Variants in HTT observed in about 807,000 individuals in gnomAD.
The protein encoded by HTT is huntingtin, also known as huntington disease protein.
HTT carries 104 observed loss-of-function variants against 362.3 expected under a neutral mutation model. The ratio of observed to expected loss-of-function variants is 0.29; its 90% CI spans 0.24 to 0.34. The LOEUF is 0.34. Ranked by LOEUF, HTT falls within the 10% of genes least tolerant of loss-of-function variation. HTT has a pLI of 1.00. For synonymous variants in HTT, 1,577 were observed against 1,548.7 expected (o/e 1.02, Z -0.43); for missense variants, 3,301 against 3,928.6 (o/e 0.84, Z 4.27).
At chr4:3,150,746 C>T (rs1014522452) in intron 26 of HTT, among the ~76,000 whole-genome samples, 8 of 152,270 alleles carry the variant, frequency 5.3e-5, no homozygotes, top group Middle Eastern at 3.4e-3. Context: ...TGTTAAAAAC[C>T]GGACTGCAGG....
chr4:3,178,493 T>C, intron 35 of HTT, 47 bp downstream of exon 35: 1 of 1,581,838 alleles, frequency 6.3e-7, no homozygotes. Context: ...CGTGATGTGC[T>C]TGGCAGTGTT....
At chr4:3,227,058 G>T (rs1720955725) in intron 57 of HTT, among the ~76,000 whole-genome samples, 2 of 152,206 alleles carry the variant, frequency 1.3e-5, no homozygotes. Context: ...GGGTGCCTCT[G>T]GCCTTGTCCT....
chr4:3,162,635 C>G (rs1261121551), intron 29 of HTT, among the ~76,000 whole-genome samples: 2 of 152,142 alleles, frequency 1.3e-5, no homozygotes, highest in Non-Finnish European at 2.9e-5. Flanking sequence ...TGAAGAGGTC[C>G]TTCACATCCC....
intron 41 of HTT, among the ~76,000 whole-genome samples, chr4:3,201,751 C>G (rs1466192769): frequency 6.6e-6 from 1 of 152,084 alleles, no homozygotes; most frequent in East Asian, 1.9e-4. Flanking sequence ...GGTTTAAACC[C>G]CTGCTCTTAG....
rs574562155 is a variant in HTT at position 3,202,106 on chromosome 4, A to G, written c.5577-1901A>G. Among the ~76,000 whole-genome samples, 26 of 152,102 alleles carry G rather than the reference A, an allele frequency of 1.7e-4. No individual in the cohort carries two copies. The South Asian group carries it at 5.4e-3, about 32-fold the overall frequency. ...ACTGTGGGTTTATGATTCACTCTCA[A>G]TCTGTCTTACCTCTTGGTGAACTGT... On this transcript the variant is annotated intron_variant, in intron 41 of 66. Coordinates refer to ENST00000355072, the MANE Select transcript of HTT (RefSeq NM_001388492.1).
chr4:3,121,224 C>G lies in HTT; in HGVS notation c.1069-4C>G. 1 of 1,611,014 alleles carries G rather than the reference C, an allele frequency of 6.2e-7. No individual in the cohort carries two copies. The highest frequency in any genetic ancestry group is 8.5e-7 in the Non-Finnish European group (1 of 1,177,160). On this transcript the variant is annotated splice_polypyrimidine_tract_variant and splice_region_variant and intron_variant, in intron 8 of 66. Coordinates refer to ENST00000355072, the MANE Select transcript of HTT (RefSeq NM_001388492.1). Reference sequence around the variant, plus strand: ...CCAGAACACCTGTGTTTCTCTGTTTCTAGGTTTATGAACTGACGTTACATC... The same window carrying G: ...CCAGAACACCTGTGTTTCTCTGTTTGTAGGTTTATGAACTGACGTTACATC...
chr4:3,229,562 C>T (rs944428710), intron 59 of HTT, among the ~76,000 whole-genome samples: 3 of 151,618 alleles, frequency 2.0e-5, no homozygotes, highest in Non-Finnish European at 2.9e-5. Flanking sequence ...GCACCACACA[C>T]ATGCCACATG....
intron 27 of HTT, 115 bp from the exon 28 acceptor site, chr4:3,156,957 C>T (rs2110214468): frequency 1.2e-6 from 1 of 819,040 alleles, no homozygotes. Flanking sequence ...AGAGGAAATA[C>T]TTGAATATTT....
At chr4:3,195,702 G>T (rs1050155044) in intron 40 of HTT, among the ~76,000 whole-genome samples, 2 of 152,332 alleles carry the variant, frequency 1.3e-5, no homozygotes, top group African/African-American at 4.8e-5. Flanking sequence ...ACCAGAGAAG[G>T]TTGTTTCTTG....
intron 2 of HTT, among the ~76,000 whole-genome samples, chr4:3,094,311 ACTT>A (rs1713699888): frequency 1.3e-5 from 2 of 152,286 alleles, no homozygotes; most frequent in South Asian, 2.1e-4. Context: ...TCCTATGTCT[ACTT>A]CTTTCTACGC....
intron 65 of HTT, 77 bp from the exon 66 acceptor site, chr4:3,238,741 A>ACC: frequency 2.1e-6 from 1 of 476,956 alleles, no homozygotes; most frequent in South Asian, 3.0e-5. Flanking sequence ...CCCCCACCCC[A>ACC]CCCCCGCCAC....
chr4:3,148,326 G>T (rs1374513720), intron 26 of HTT, 119 bp downstream of exon 26: 2 of 758,830 alleles, frequency 2.6e-6, no homozygotes, highest in Non-Finnish European at 4.2e-6. Context: ...GAACAAAATT[G>T]CTCAGATTGT....
At chr4:3,198,930 G>C (rs945045934) in intron 40 of HTT, among the ~76,000 whole-genome samples, 2 of 152,218 alleles carry the variant, frequency 1.3e-5, no homozygotes, top group African/African-American at 4.8e-5. Flanking sequence ...TGGACCGCAG[G>C]GGGGTCCTGC....
intron 1 of HTT, among the ~76,000 whole-genome samples, chr4:3,079,115 C>A (rs531330783): frequency 6.6e-6 from 1 of 152,020 alleles, no homozygotes; most frequent in South Asian, 2.1e-4. Flanking sequence ...AGGCTGGTCT[C>A]GAACTCCCGG....
intron 29 of HTT, among the ~76,000 whole-genome samples, chr4:3,171,547 G>C (rs1717975762): frequency 6.7e-6 from 1 of 149,078 alleles, no homozygotes; most frequent in Non-Finnish European, 1.5e-5. Context: ...GCGCCATCTC[G>C]GCTCACTGTA....
At position 3,222,317 on chromosome 4, in the gene HTT, G is replaced by A. The variant is rs186716755; in HGVS notation, c.7370-70G>A. The A allele has an allele frequency of 5.9e-5, 79 of 1,347,410 alleles. 1 individual carries two copies. Among genetic ancestry groups the A allele is most frequent in the East Asian group, 4.2e-4 (18 of 43,314 alleles). The allele number at this position is 1,347,410 out of a possible 1,614,324, so 83.5% of individuals were successfully genotyped here. A position where few individuals can be genotyped will look rare whatever the true frequency, so the allele number is the denominator to read the frequency against. ...TCTCCAGGGGCCGTGCTGTGTCGGC[G>A]TAGCTGTCAGCTCTCCGTTACAGGC... is the stretch of plus-strand genomic sequence containing the variant. On this transcript the variant is annotated intron_variant, in intron 53 of 66. Transcript: ENST00000355072.
intron 3 of HTT, among the ~76,000 whole-genome samples, chr4:3,099,910 G>A (rs1021281551): frequency 1.3e-5 from 2 of 151,770 alleles, no homozygotes; most frequent in Non-Finnish European, 2.9e-5. Flanking sequence ...TGGTTTGGAG[G>A]TGCTCTGTTG....
rs888884568 is a variant in HTT, at chr4:3,189,036, T to C, written c.5311T>C (p.Phe1771Leu). 1.2e-6 allele frequency: 2 copies of C among 1,613,998 alleles called. No individual in the cohort carries two copies. The highest frequency in any genetic ancestry group is 1.7e-6 in the Non-Finnish European group (2 of 1,179,860). ...GGAAATGAGTGAGCAGCAACATACT[T>C]TCTATTGCCAGGAACTAGGCACACT... ...KVEMSEQQHT[F>L]YCQELGTLLM... Residue 1771 changes from phenylalanine to leucine, a missense_variant, in exon 40 of 67, where the codon TTC (phenylalanine) becomes CTC (leucine). Physicochemically the swap from Phe to Leu is conservative, Grantham distance 22. Coordinates refer to ENST00000355072, the MANE Select transcript of HTT (RefSeq NM_001388492.1).
intron 51 of HTT, among the ~76,000 whole-genome samples, 164 bp from the exon 52 acceptor site, chr4:3,217,601 T>C (rs1344069816): frequency 6.6e-6 from 1 of 152,230 alleles, no homozygotes; most frequent in African/African-American, 2.4e-5. Context: ...TTGTATGGTA[T>C]AGGCGGATAT....
Sources: allele counts gnomAD v4.1 joint callset (sites outside exome capture counted in the v4.1 genomes callset), GRCh38; gene constraint gnomAD v4.1.1; transcripts MANE v1.5; gene names NCBI Gene and HGNC (gene_info 2026-07-23, HGNC 2026-07-21).